Variants in AKAP12 observed in about 807,000 individuals in gnomAD.
The protein encoded by AKAP12 is A-kinase anchoring protein 12.
A neutral mutation model predicts 79.9 loss-of-function variants in AKAP12; 32 were observed. The observed-to-expected ratio is 0.40, with a 90% CI of 0.30 to 0.54. The LOEUF (loss-of-function observed/expected upper bound fraction) is 0.54, where lower values mean the gene tolerates loss of function less well. Among genes scored for constraint, AKAP12 ranks in the 20% least tolerant of loss-of-function variants. The pLI is 0.48. For synonymous variants in AKAP12, 808 were observed against 857.0 expected, an observed-to-expected ratio of 0.94 and a Z score of 1.00; for missense variants, 2,074 against 2,177.0, an observed-to-expected ratio of 0.95 and a Z score of 0.94.
Position 151,249,921 on chromosome 6 carries a change from A to G in AKAP12, c.162+9197A>G, listed in dbSNP as rs535437798. ...ATGGCTATGGTGAGTTCATACATAC[A>G]TAAATACCAACATGTGGCTCGTGGG... On this transcript the variant is annotated intron_variant, in intron 2 of 4. Coordinates refer to ENST00000402676, the MANE Select transcript of AKAP12 (RefSeq NM_005100.4). 5.9e-5 allele frequency among the ~76,000 whole-genome samples: 9 copies of G among 152,312 alleles called. No individual in the cohort carries two copies. In the South Asian group the frequency reaches 1.7e-3, roughly 28 times the overall value.
At chr6:151,347,406 G>C (rs1778128996) in intron 3 of AKAP12, among the ~76,000 whole-genome samples, 1 of 152,192 alleles carries the variant, frequency 6.6e-6, no homozygotes, top group African/African-American at 2.4e-5. Context: ...TGTTAAGTGG[G>C]AAGTTACATC....
At chr6:151,258,772 G>A (rs1797350350) in intron 2 of AKAP12, among the ~76,000 whole-genome samples, 1 of 151,400 alleles carries the variant, frequency 6.6e-6, no homozygotes, top group African/African-American at 2.4e-5. Flanking sequence ...GGGCTTACAG[G>A]TGTGTGCTGC....
intron 3 of AKAP12, among the ~76,000 whole-genome samples, chr6:151,310,632 G>T (rs531097772): frequency 7.2e-5 from 11 of 152,226 alleles, no homozygotes; most frequent in African/African-American, 2.4e-4. Flanking sequence ...CTTAGTATCT[G>T]TTAGGCAGAT....
chr6:151,292,032 C>T (rs1776633870), intron 2 of AKAP12, among the ~76,000 whole-genome samples: 1 of 152,210 alleles, frequency 6.6e-6, no homozygotes, highest in Non-Finnish European at 1.5e-5. Context: ...TAGAATTCAG[C>T]CTCCATTTGC....
At chr6:151,285,418 G>GTGTGTA (rs1776485313) in intron 2 of AKAP12, among the ~76,000 whole-genome samples, 1 of 147,404 alleles carries the variant, frequency 6.8e-6, no homozygotes, top group African/African-American at 2.5e-5. Context: ...GTGTGTGTGT[G>GTGTGTA]TATCTATTTC....
At chr6:151,280,635 T>TTTTTCA (rs1776384665) in intron 2 of AKAP12, 1 of 145,774 alleles carries the variant, frequency 6.9e-6, no homozygotes, top group African/African-American at 2.5e-5. Context: ...TTTCTTTTTC[T>TTTTTCA]TTTTCATTTT....
At chr6:151,245,652 G>GA (rs1797058042) in intron 2 of AKAP12, among the ~76,000 whole-genome samples, 2 of 56,816 alleles carry the variant, frequency 3.5e-5, no homozygotes, top group African/African-American at 1.0e-4. Context: ...GAGAGACTCC[G>GA]TCTCAAAAAA....
At chr6:151,265,458 T>C (rs530104954) in intron 2 of AKAP12, among the ~76,000 whole-genome samples, 5 of 152,324 alleles carry the variant, frequency 3.3e-5, no homozygotes, top group African/African-American at 1.2e-4. Context: ...AAAATCAGAA[T>C]GTAGGAAGGG....
At chr6:151,241,114 C>T (rs1430252946) in intron 2 of AKAP12, among the ~76,000 whole-genome samples, 2 of 152,198 alleles carry the variant, frequency 1.3e-5, no homozygotes, top group African/African-American at 2.4e-5. Flanking sequence ...GCCGGGCCTC[C>T]GGAGCTCCGA....
At chr6:151,332,733 C>T (rs745962425) in intron 3 of AKAP12, among the ~76,000 whole-genome samples, 12 of 152,096 alleles carry the variant, frequency 7.9e-5, no homozygotes, top group Non-Finnish European at 1.8e-4. Context: ...CAGGACAGTA[C>T]GAAGACGGAG....
In AKAP12 at chr6:151,352,248, G is replaced by C; in HGVS notation, c.3857G>C (p.Gly1286Ala). The stretch of plus-strand genomic sequence containing the variant: ...GTACCATTTTTCGAAGGACTTGAGG[G>C]GTCTATAGACACAGGCATAACAGTC... ...KDVPFFEGLEGSIDTGITVSR... is the reference protein window; with the variant it reads ...KDVPFFEGLEASIDTGITVSR... Residue 1286 changes from glycine (G) to alanine (A), a missense_variant, in exon 4 of 5, where the codon GGG (glycine) becomes GCG (alanine). Physicochemically the swap from Gly to Ala is moderately conservative, Grantham distance 60. Coordinates refer to ENST00000402676, the MANE Select transcript of AKAP12 (RefSeq NM_005100.4). The C allele has an allele frequency of 6.2e-7, 1 of 1,614,126 alleles. No individual in the cohort carries two copies. Among genetic ancestry groups the C allele is most frequent in the South Asian group, 1.1e-5 (1 of 91,072 alleles).
chr6:151,264,687 A>G (rs1797513977), intron 2 of AKAP12, among the ~76,000 whole-genome samples: 1 of 151,368 alleles, frequency 6.6e-6, no homozygotes. Flanking sequence ...AAAAAAAAAG[A>G]ATTAAAGATA....
At chr6:151,255,947 T>C (rs1474930845) in intron 2 of AKAP12, among the ~76,000 whole-genome samples, 1 of 147,174 alleles carries the variant, frequency 6.8e-6, no homozygotes, top group East Asian at 2.0e-4. Flanking sequence ...GGGACCCAGC[T>C]GAGCATGTAC....
chr6:151,287,815 A>C (rs1296260032), intron 2 of AKAP12, among the ~76,000 whole-genome samples: 2 of 152,290 alleles, frequency 1.3e-5, no homozygotes, highest in East Asian at 3.9e-4. Flanking sequence ...GAACCAACCC[A>C]AATGCCCATC....
intron 2 of AKAP12, among the ~76,000 whole-genome samples, chr6:151,304,240 AG>A (rs1214214531): frequency 6.6e-6 from 1 of 152,072 alleles, no homozygotes; most frequent in Non-Finnish European, 1.5e-5. Context: ...CTGTAATCCT[AG>A]CACTTTGGGA....
intron 2 of AKAP12, among the ~76,000 whole-genome samples, chr6:151,252,324 T>C (rs564545309): frequency 1.4e-3 from 206 of 151,778 alleles, no homozygotes; most frequent in Non-Finnish European, 2.4e-3. Flanking sequence ...GCCTCTCGAG[T>C]AGCTGGGACT....
At chr6:151,312,666 C>T (rs780914444) in intron 3 of AKAP12, among the ~76,000 whole-genome samples, 118 of 151,998 alleles carry the variant, frequency 7.8e-4, no homozygotes, top group Non-Finnish European at 1.3e-3. Context: ...GTGGCGGGCG[C>T]CTGTAGTCCC....
chr6:151,332,315 C>T (rs1393030661), intron 3 of AKAP12, among the ~76,000 whole-genome samples: 8 of 152,230 alleles, frequency 5.3e-5, no homozygotes, highest in African/African-American at 1.2e-4. Context: ...GGATTACAGA[C>T]GTGAGCCACC....
chr6:151,314,811 T>C (rs1048176405), intron 3 of AKAP12, among the ~76,000 whole-genome samples: 1 of 152,044 alleles, frequency 6.6e-6, no homozygotes, highest in Non-Finnish European at 1.5e-5. Flanking sequence ...TCCCAGCACT[T>C]TGGGAGGCTG....
Sources: gnomAD v4.1 joint callset for allele counts (sites outside exome capture counted in the v4.1 genomes callset) on GRCh38, gnomAD v4.1.1 for gene constraint, MANE v1.5 for transcripts, NCBI Gene and HGNC (gene_info 2026-07-23, HGNC 2026-07-21) for gene names.